The following PCDHB15 variants were observed in gnomAD, a reference collection of about 807,000 sequenced individuals.
PCDHB15 encodes protocadherin beta 15.
For missense variants in PCDHB15, 1,032 were observed against 991.7 expected (o/e 1.04, Z -0.55); for synonymous variants, 492 against 447.9 (o/e 1.10, Z -1.24).
rs527295727 is a variant in PCDHB15 at position 141,248,003 on chromosome 5, G to GT, written c.*69dup. Reference sequence around the variant, plus strand: ...TTTGTCTTCCTCACTTTTCACCTTAGTTTTTTTTAACCCTTTAGTAATCTT... The same window carrying GT: ...TTTGTCTTCCTCACTTTTCACCTTAGTTTTTTTTTAACCCTTTAGTAATCTT... On this transcript the variant is annotated 3_prime_UTR_variant, in exon 1 of 1. Coordinates refer to ENST00000231173, the MANE Select transcript of PCDHB15 (RefSeq NM_018935.4). 75 of 1,473,464 alleles carry GT rather than the reference G, an allele frequency of 5.1e-5. 1 individual carries two copies. The South Asian group carries it at 6.2e-4, about 12-fold the overall frequency. 91.3% of individuals were successfully genotyped at this position (1,473,464 alleles called of 1,614,324 possible).
chr5:141,246,211 C>T lies in PCDHB15; in HGVS notation c.633C>T (p.Thr211=). ...DREEQAELRL[T]LTAVDGGSPP... ...AGGAGCAGGCCGAGCTCAGATTAAC[C>T]TTGACAGCGGTGGACGGTGGCTCTC... The change falls in exon 1 of 1, where the codon ACC becomes ACT. Residue 211 remains threonine (T), a synonymous_variant. Coordinates refer to ENST00000231173, the MANE Select transcript of PCDHB15 (RefSeq NM_018935.4). The T allele has an allele frequency of 1.2e-6, 2 of 1,614,224 alleles. No individual in the cohort carries two copies. Among genetic ancestry groups the T allele is most frequent in the African/African-American group, 1.3e-5 (1 of 75,060 alleles).
At position 141,248,398 on chromosome 5, in the gene PCDHB15, T is replaced by C. The variant is rs1343339197; in HGVS notation, c.*456T>C. On this transcript the variant is annotated 3_prime_UTR_variant, in exon 1 of 1. Transcript: ENST00000231173. ...CATGTGTAATTTCTTCCAAGCTTCA[T>C]ATTTGGAGTTTTGTTTTTTCCAATA... The C allele has an allele frequency of 1.3e-5, 2 of 157,760 alleles. No individual in the cohort carries two copies. Among genetic ancestry groups the C allele is most frequent in the East Asian group, 3.8e-4 (2 of 5,196 alleles). 9.8% of individuals were successfully genotyped at this position (157,760 alleles called of 1,614,324 possible). A position where few individuals can be genotyped will look rare whatever the true frequency, so the allele number is the denominator to read the frequency against.
In PCDHB15 at chr5:141,246,898, G is replaced by A; in HGVS notation, c.1320G>A (p.Leu440=). 1 of 1,613,870 alleles carries A rather than the reference G, an allele frequency of 6.2e-7. No individual in the cohort carries two copies. Among genetic ancestry groups the A allele is most frequent in the South Asian group, 1.1e-5 (1 of 91,052 alleles). ...AAACCGAGCAGAGCATAACCGTGCT[G>A]GTGTCGGACGTCAATGACAACGCCC... is the stretch of plus-strand genomic sequence containing the variant. ...RLKTEQSITV[L]VSDVNDNAPA... is the part of the protein sequence containing the mutation. Residue 440 remains leucine, a synonymous_variant, in exon 1 of 1, where the codon CTG becomes CTA. Coordinates refer to ENST00000231173, the MANE Select transcript of PCDHB15 (RefSeq NM_018935.4).
At position 141,247,142 on chromosome 5, in the gene PCDHB15, G is replaced by C. The variant is rs1755290330; in HGVS notation, c.1564G>C (p.Glu522Gln). 2.5e-6 allele frequency: 4 copies of C among 1,613,870 alleles called. No homozygotes were observed. Among genetic ancestry groups the C allele is most frequent in the Non-Finnish European group, 3.4e-6 (4 of 1,179,894 alleles). Residue 522 changes from glutamate (E) to glutamine (Q), a missense_variant, in exon 1 of 1, where the codon GAG becomes CAG. Transcript: ENST00000231173. ...GTTCGCTCTCCAGTCGCTGGACTACGAGGCCCTGCAGGCTTTCGAGTTCCG... is the reference window on the plus strand; with the variant it reads ...GTTCGCTCTCCAGTCGCTGGACTACCAGGCCCTGCAGGCTTTCGAGTTCCG... ...HLFALQSLDY[E>Q]ALQAFEFRVG...
At position 141,247,744 on chromosome 5, in the gene PCDHB15, G is replaced by C. The variant is rs782283963; in HGVS notation, c.2166G>C (p.Val722=). ...RLCRRSRAAS[V]GRCSVPEGPF... is the part of the protein sequence containing the mutation. ...GCAGGAGGAGCAGGGCGGCCTCAGT[G>C]GGTCGCTGCTCGGTGCCCGAGGGCC... Residue 722 remains valine, a synonymous_variant, in exon 1 of 1, where the codon GTG becomes GTC. Transcript: ENST00000231173. 12 of 1,614,078 alleles carry C rather than the reference G, an allele frequency of 7.4e-6. 1 individual carries two copies. In the South Asian group the frequency reaches 1.2e-4, roughly 16 times the overall value.
chr5:141,246,378 G>A lies in PCDHB15; in HGVS notation c.800G>A (p.Arg267Lys), dbSNP rs1476429512. ...TCCCTAGTTGTCAAGGTCTCTGCTA[G>A]GGATTTAGACACTGGGACAAATGGA... is the stretch of plus-strand genomic sequence containing the variant. ...VGSLVVKVSARDLDTGTNGEI... is the reference protein window; with the variant it reads ...VGSLVVKVSAKDLDTGTNGEI... The change falls in exon 1 of 1, where the codon AGG becomes AAG. Residue 267 changes from arginine (R) to lysine (K), a missense_variant. Physicochemically the swap from Arg to Lys is conservative, Grantham distance 26. Coordinates refer to ENST00000231173, the MANE Select transcript of PCDHB15 (RefSeq NM_018935.4). 3 of 1,613,950 alleles carry A rather than the reference G, an allele frequency of 1.9e-6. No homozygotes were observed. The African/African-American group carries it at 4.0e-5, about 22-fold the overall frequency.
chr5:141,248,472 T>G lies in PCDHB15; in HGVS notation c.*530T>G, dbSNP rs1413717423. 1.3e-5 allele frequency: 2 copies of G among 152,596 alleles called. No individual in the cohort carries two copies. The allele number at this position is 152,596 out of a possible 1,614,324, so 9.5% of individuals were successfully genotyped here. Reference sequence around the variant, plus strand: ...GCTACTCTTTTCAAGGTCACACTTGTAAGCATTAGATTTTCATTCTAAAAC... The same window carrying G: ...GCTACTCTTTTCAAGGTCACACTTGGAAGCATTAGATTTTCATTCTAAAAC... On this transcript the variant is annotated 3_prime_UTR_variant, in exon 1 of 1. Coordinates refer to ENST00000231173, the MANE Select transcript of PCDHB15 (RefSeq NM_018935.4).
chr5:141,249,129 G>T lies in PCDHB15; in HGVS notation c.*1187G>T, dbSNP rs1291914699. 1 of 152,126 alleles carries T rather than the reference G, an allele frequency of 6.6e-6. No homozygotes were observed. The highest frequency in any genetic ancestry group is 6.6e-5 in the Admixed American group (1 of 15,262). The allele number at this position is 152,126 out of a possible 1,614,324, so 9.4% of individuals were successfully genotyped here. ...TTGCCAATCAGCTAAACTTAAAATA[G>T]GGAGACTCTCCTAGATAATCTGGGT... is the stretch of plus-strand genomic sequence containing the variant. On this transcript the variant is annotated 3_prime_UTR_variant, in exon 1 of 1. Transcript: ENST00000231173.
Position 141,247,477 on chromosome 5 carries a change from C to G in PCDHB15, c.1899C>G (p.Arg633=). 1 of 1,608,568 alleles carries G rather than the reference C, an allele frequency of 6.2e-7. No homozygotes were observed. Among genetic ancestry groups the G allele is most frequent in the South Asian group, 1.1e-5 (1 of 90,986 alleles). The change falls in exon 1 of 1, where the codon CGC becomes CGG. Residue 633 remains arginine (R), a synonymous_variant. Transcript: ENST00000231173. ...GCACCGCCAGGCTGCTGAGCGAGCG[C>G]GACGTGGCCAAGCACAGGCTAGTGG... The part of the protein sequence containing the change: ...EVRTARLLSE[R]DVAKHRLVVL...
rs552430608 is a variant in PCDHB15, at chr5:141,248,045, T to A, written c.*103T>A. 238 of 1,174,428 alleles carry A rather than the reference T, an allele frequency of 2.0e-4. No individual in the cohort carries two copies. Among genetic ancestry groups the A allele is most frequent in the African/African-American group, 4.7e-4 (30 of 64,306 alleles). The allele number at this position is 1,174,428 out of a possible 1,614,324, so 72.8% of individuals were successfully genotyped here. A position where few individuals can be genotyped will look rare whatever the true frequency, so the allele number is the denominator to read the frequency against. ...AGTAATCTTGAATTCTACTTTTTTT[T>A]AAATTTCTACTGTTGTCTTTAGTAA... On this transcript the variant is annotated 3_prime_UTR_variant, in exon 1 of 1. Coordinates refer to ENST00000231173, the MANE Select transcript of PCDHB15 (RefSeq NM_018935.4).
rs1755321766 is a variant in PCDHB15 at position 141,247,888 on chromosome 5, A to T, written c.2310A>T (p.Ile770=). The change falls in exon 1 of 1, where the codon ATA becomes ATT. Residue 770 remains isoleucine (I), a synonymous_variant. Transcript: ENST00000231173. ...ATGATTTCAAGTTCTTGAAGCCTAT[A>T]TTCCCAAATATTGTAAGCCAGGACT... ...ESNDFKFLKP[I]FPNIVSQDSR... The T allele has an allele frequency of 1.2e-6, 2 of 1,613,976 alleles. No individual in the cohort carries two copies. Among genetic ancestry groups the T allele is most frequent in the Admixed American group, 3.3e-5 (2 of 60,006 alleles).
chr5:141,247,697 C>T lies in PCDHB15; in HGVS notation c.2119C>T (p.Leu707=). 6.2e-7 allele frequency: 1 copy of T among 1,612,086 alleles called. No homozygotes were observed. The highest frequency in any genetic ancestry group is 1.3e-5 in the African/African-American group (1 of 75,040). Residue 707 remains leucine (L), a synonymous_variant, in exon 1 of 1, where the codon CTG becomes TTG. Coordinates refer to ENST00000231173, the MANE Select transcript of PCDHB15 (RefSeq NM_018935.4). ...VSSLFLFSVF[L]FVAVRLCRRS... is the part of the protein sequence containing the mutation. ...TTCGCTCTTCCTCTTCTCGGTGTTC[C>T]TGTTCGTGGCAGTGCGGCTGTGCAG...
Position 141,246,308 on chromosome 5 carries a change from C to T in PCDHB15, c.730C>T (p.Gln244Ter). 2 of 1,614,106 alleles carry T rather than the reference C, an allele frequency of 1.2e-6. No individual in the cohort carries two copies. The highest frequency in any genetic ancestry group is 1.7e-6 in the Non-Finnish European group (2 of 1,179,996). ...DANDNAPEFV[Q>*]ALYEVQVPEN... Reference sequence around the variant, plus strand: ...CAATGACAATGCCCCGGAGTTTGTGCAGGCGCTCTACGAGGTGCAGGTCCC... The same window carrying T: ...CAATGACAATGCCCCGGAGTTTGTGTAGGCGCTCTACGAGGTGCAGGTCCC... Residue 244 changes from glutamine to a stop codon, truncating the protein, a stop_gained, in exon 1 of 1, where the codon CAG becomes TAG. Transcript: ENST00000231173. LOFTEE classifies it low-confidence loss of function (END_TRUNC).
Position 141,247,945 on chromosome 5 carries a change from T to A in PCDHB15, c.*3T>A, listed in dbSNP as rs982787618. Reference sequence around the variant, plus strand: ...GGAAATCAGAATTTCTAGAATAATGTAGGTATCTGTAGCTTTCCGACCGTC... The same window carrying A: ...GGAAATCAGAATTTCTAGAATAATGAAGGTATCTGTAGCTTTCCGACCGTC... On this transcript the variant is annotated 3_prime_UTR_variant, in exon 1 of 1. Coordinates refer to ENST00000231173, the MANE Select transcript of PCDHB15 (RefSeq NM_018935.4). The A allele has an allele frequency of 6.3e-7, 1 of 1,575,460 alleles. No individual in the cohort carries two copies. Among genetic ancestry groups the A allele is most frequent in the Non-Finnish European group, 8.6e-7 (1 of 1,160,842 alleles).
In PCDHB15 at chr5:141,247,620, C is replaced by A. The variant is rs200568515; in HGVS notation, c.2042C>A (p.Ala681Asp). ...CTCCCAGAGGCGGCCCCGGCCCAAG[C>A]CCAGGCCGACTCGCTTACCGTCTAC... ...LPLPEAAPAQAQADSLTVYLV... is the reference protein window; with the variant it reads ...LPLPEAAPAQDQADSLTVYLV... The change falls in exon 1 of 1, where the codon GCC becomes GAC. Residue 681 changes from alanine (A) to aspartate (D), a missense_variant. By Grantham distance (126) the Ala-to-Asp change is moderately radical. Coordinates refer to ENST00000231173, the MANE Select transcript of PCDHB15 (RefSeq NM_018935.4). The A allele has an allele frequency of 1.6e-4, 251 of 1,610,208 alleles. No homozygotes were observed. The highest frequency in any genetic ancestry group is 8.9e-5 in the Non-Finnish European group (105 of 1,179,818).
At position 141,245,495 on chromosome 5, in the gene PCDHB15, C is replaced by T. The variant is rs1239367931; in HGVS notation, c.-84C>T. On this transcript the variant is annotated 5_prime_UTR_variant, in exon 1 of 1. The change creates a premature stop within an existing upstream ORF in the 5' untranslated region. Transcript: ENST00000231173. Reference sequence around the variant, plus strand: ...CATTTCCGAACAGGTTATCAACGCACAGATCGATCACTGCCTCTGTCCCAT... The same window carrying T: ...CATTTCCGAACAGGTTATCAACGCATAGATCGATCACTGCCTCTGTCCCAT... The T allele has an allele frequency of 2.5e-6, 3 of 1,194,582 alleles. No homozygotes were observed. The highest frequency in any genetic ancestry group is 3.6e-6 in the Non-Finnish European group (3 of 835,140). The allele number at this position is 1,194,582 out of a possible 1,614,324, so 74.0% of individuals were successfully genotyped here. A position where few individuals can be genotyped will look rare whatever the true frequency, so the allele number is the denominator to read the frequency against.
In PCDHB15 at chr5:141,246,362, G is replaced by T; in HGVS notation, c.784G>T (p.Val262Phe). Residue 262 changes from valine (V) to phenylalanine (F), a missense_variant, in exon 1 of 1, where the codon GTC (valine) becomes TTC (phenylalanine). Transcript: ENST00000231173. ...GAACAGCCCAGTAGGCTCCCTAGTT[G>T]TCAAGGTCTCTGCTAGGGATTTAGA... ...PENSPVGSLV[V>F]KVSARDLDTG... 2 of 1,614,068 alleles carry T rather than the reference G, an allele frequency of 1.2e-6. No homozygotes were observed. The highest frequency in any genetic ancestry group is 1.7e-6 in the Non-Finnish European group (2 of 1,179,948).
Position 141,246,457 on chromosome 5 carries a change from G to A in PCDHB15, c.879G>A (p.Glu293=). ...CTCAGGAGATAGACAAACCTTTTGA[G>A]CTAAGCAGCCTTTCAGGAGAAATTC... ...YSSQEIDKPF[E]LSSLSGEIRL... Residue 293 remains glutamate, a synonymous_variant, in exon 1 of 1, where the codon GAG becomes GAA. Transcript: ENST00000231173. 1 of 1,614,202 alleles carries A rather than the reference G, an allele frequency of 6.2e-7. No individual in the cohort carries two copies. Among genetic ancestry groups the A allele is most frequent in the South Asian group, 1.1e-5 (1 of 91,086 alleles).
chr5:141,246,205 A>T lies in PCDHB15; in HGVS notation c.627A>T (p.Arg209Ser), dbSNP rs1554291865. The T allele has an allele frequency of 6.2e-7, 1 of 1,614,214 alleles. No individual in the cohort carries two copies. The highest frequency in any genetic ancestry group is 1.1e-5 in the South Asian group (1 of 91,080). The change falls in exon 1 of 1, where the codon AGA becomes AGT. Residue 209 changes from arginine (R) to serine (S), a missense_variant. By Grantham distance (110) the Arg-to-Ser change is moderately radical. Transcript: ENST00000231173. Reference protein sequence around the residue: ...ELDREEQAELRLTLTAVDGGS... With the variant: ...ELDREEQAELSLTLTAVDGGS... ...ATCGCGAGGAGCAGGCCGAGCTCAG[A>T]TTAACCTTGACAGCGGTGGACGGTG...
Sources: allele counts gnomAD v4.1 joint callset, GRCh38; gene constraint gnomAD v4.1.1; transcripts MANE v1.5; gene names NCBI Gene and HGNC (gene_info 2026-07-23, HGNC 2026-07-21).